Variants in MAP6 observed in about 807,000 individuals in gnomAD.
MAP6 encodes the protein microtubule associated protein 6.
Under a neutral mutation model 42.4 loss-of-function variants are expected in MAP6, and 26 were observed. That is an observed-to-expected ratio of 0.61 (90% CI 0.45 to 0.85). MAP6 has a LOEUF of 0.85. Ranked by LOEUF, MAP6 falls within the 40% of genes least tolerant of loss-of-function variation. The probability of loss-of-function intolerance (pLI) is 0.00; values close to 1 mark genes in which losing one functional copy is unlikely to be tolerated. For missense variants in MAP6, 966 were observed against 1,099.0 expected, an observed-to-expected ratio of 0.88 and a Z score of 1.71; for synonymous variants, 418 against 443.8, an observed-to-expected ratio of 0.94 and a Z score of 0.73.
chr11:75,612,412 C>T (rs1023828871), intron 1 of MAP6, among the ~76,000 whole-genome samples: 1 of 152,108 alleles, frequency 6.6e-6, no homozygotes, highest in Non-Finnish European at 1.5e-5. Flanking sequence ...TCAAATGGGA[C>T]AGGGATCAGA....
chr11:75,667,601 C>A lies in MAP6; in HGVS notation c.769G>T (p.Glu257Ter). The A allele has an allele frequency of 7.4e-7, 1 of 1,354,182 alleles. No individual in the cohort carries two copies. Among genetic ancestry groups the A allele is most frequent in the South Asian group, 1.8e-5 (1 of 54,788 alleles). The allele number at this position is 1,354,182 out of a possible 1,614,324, so 83.9% of individuals were successfully genotyped here. A position where few individuals can be genotyped will look rare whatever the true frequency, so the allele number is the denominator to read the frequency against. The change falls in exon 1 of 4, where the codon GAG (glutamate) becomes TAG (stop). Residue 257 changes from glutamate (E) to a stop codon, truncating the protein, a stop_gained. Coordinates refer to ENST00000304771, the MANE Select transcript of MAP6 (RefSeq NM_033063.2). LOFTEE classifies it high-confidence loss of function. This position sits in a 1 kb window ranked among gnomAD's most constrained non-coding sequence, Gnocchi z 5.6. ...TGGGCCGCGGGCAGCGGCGTCTGCT[C>A]GTGCCCCAGGCCCTCGGCGCGGCGC... ...IVRRAEGLGH[E>*]QTPLPAAQAQ...
intron 1 of MAP6, among the ~76,000 whole-genome samples, chr11:75,610,390 G>A (rs928557799): frequency 7.9e-5 from 12 of 152,072 alleles, no homozygotes; most frequent in South Asian, 2.1e-4. Context: ...ATTCATTCAC[G>A]AAATATGTAC....
intron 1 of MAP6, among the ~76,000 whole-genome samples, chr11:75,665,451 T>C (rs894786177): frequency 6.6e-6 from 1 of 152,222 alleles, no homozygotes; most frequent in African/African-American, 2.4e-5. Context: ...TCTCTCTTGA[T>C]TGGCATTGAC....
chr11:75,633,540 G>A (rs140842125), intron 1 of MAP6, among the ~76,000 whole-genome samples: 1 of 152,306 alleles, frequency 6.6e-6, no homozygotes, highest in Non-Finnish European at 1.5e-5. Flanking sequence ...TGAAGGGAGA[G>A]GGACCATAAG....
intron 1 of MAP6, among the ~76,000 whole-genome samples, chr11:75,655,076 A>T (rs1412600094): frequency 2.0e-5 from 3 of 152,128 alleles, no homozygotes; most frequent in South Asian, 4.1e-4. Flanking sequence ...TCTCCCTCAA[A>T]AGACAGCAAT....
intron 1 of MAP6, among the ~76,000 whole-genome samples, chr11:75,639,927 G>T (rs538762581): frequency 1.3e-5 from 2 of 152,240 alleles, no homozygotes; most frequent in South Asian, 4.2e-4. Flanking sequence ...CCCCACCATG[G>T]CTCTCACAGC....
Position 75,587,036 on chromosome 11 carries a change from A to G in MAP6, c.*23T>C, listed in dbSNP as rs1000399280. ...GAGCACTCTCACTGTCAGCTCCTTC[A>G]TTGGTGTGTCAAGGGGTGAGTGTCA... On this transcript the variant is annotated 3_prime_UTR_variant, in exon 4 of 4. Transcript: ENST00000304771. The G allele has an allele frequency of 1.3e-6, 2 of 1,537,224 alleles. No individual in the cohort carries two copies. The highest frequency in any genetic ancestry group is 2.3e-5 in the East Asian group (1 of 44,106).
intron 3 of MAP6, among the ~76,000 whole-genome samples, chr11:75,591,279 A>G (rs1311039115): frequency 2.0e-5 from 3 of 152,218 alleles, no homozygotes; most frequent in Admixed American, 6.5e-5. Flanking sequence ...AAGCTATAAC[A>G]TCCTCCTTAA....
At chr11:75,640,666 G>T (rs1020725925) in intron 1 of MAP6, among the ~76,000 whole-genome samples, 4 of 152,172 alleles carry the variant, frequency 2.6e-5, no homozygotes, top group African/African-American at 9.7e-5. Context: ...ATCAAAAAGT[G>T]GGCGAAGGAT....
chr11:75,592,887 C>T (rs1298737767), intron 3 of MAP6, among the ~76,000 whole-genome samples: 1 of 152,220 alleles, frequency 6.6e-6, no homozygotes, highest in Admixed American at 6.5e-5. Context: ...GCATTCTGTT[C>T]CTTCGGCACG....
rs772552809 is a variant in MAP6 at position 75,588,159 on chromosome 11, A to G, written c.1342T>C (p.Ser448Pro). 6 of 1,612,962 alleles carry G rather than the reference A, an allele frequency of 3.7e-6. No homozygotes were observed. The highest frequency in any genetic ancestry group is 2.7e-5 in the African/African-American group (2 of 74,906). ...GCTACAGGACCTTGAGTCTTACTTG[A>G]ATCACTGACGGGTTGAGCCAGGCTC... ...KESLAQPVSD[S>P]SKTQGPVATE... is the part of the protein sequence containing the mutation. Residue 448 changes from serine to proline, a missense_variant, in exon 4 of 4, where the codon TCA (serine) becomes CCA (proline). This residue lies in a region of MAP6 where 943 missense variants were observed against 1,049.9 expected (regional missense o/e 0.90). Transcript: ENST00000304771.
rs1267431342 is a variant in MAP6 at position 75,627,744 on chromosome 11, G to A, written c.906-19422C>T. ...TTATCATCCTCGTTTTACAGATGAG[G>A]AAACAGGAGCTCAGGGGGTTCCGTG... On this transcript the variant is annotated intron_variant, in intron 1 of 3. Coordinates refer to ENST00000304771, the MANE Select transcript of MAP6 (RefSeq NM_033063.2). Among the ~76,000 whole-genome samples, 3 of 152,164 alleles carry A rather than the reference G, an allele frequency of 2.0e-5. No homozygotes were observed. The East Asian group carries it at 5.8e-4, about 29-fold the overall frequency.
intron 1 of MAP6, chr11:75,642,953 AG>A (rs2135662284): frequency 2.3e-6 from 1 of 441,690 alleles, no homozygotes; most frequent in Admixed American, 2.0e-5. Flanking sequence ...AATTCATGTC[AG>A]AATACACTTG....
chr11:75,639,823 T>C (rs1943432650), intron 1 of MAP6, among the ~76,000 whole-genome samples: 1 of 152,024 alleles, frequency 6.6e-6, no homozygotes, highest in South Asian at 2.1e-4. Flanking sequence ...ACTGTTCAGA[T>C]TGTCTAAAGT....
At chr11:75,652,732 G>C (rs944377695) in intron 1 of MAP6, among the ~76,000 whole-genome samples, 1 of 151,864 alleles carries the variant, frequency 6.6e-6, no homozygotes, top group Non-Finnish European at 1.5e-5. Flanking sequence ...CCAGCTACTA[G>C]GGAGGGTGAG....
In MAP6 at chr11:75,659,461, G is replaced by A. The variant is rs562170728; in HGVS notation, c.905+8004C>T. 2.4e-4 allele frequency among the ~76,000 whole-genome samples: 36 copies of A among 152,324 alleles called. No individual in the cohort carries two copies. The South Asian group carries it at 3.5e-3, about 15-fold the overall frequency. On this transcript the variant is annotated intron_variant, in intron 1 of 3. Transcript: ENST00000304771. Reference sequence around the variant, plus strand: ...GGTGCCACTGTACTCCAGCCTGGGCGATAGAGGAAGGGGAATCATAAGCTC... The same window carrying A: ...GGTGCCACTGTACTCCAGCCTGGGCAATAGAGGAAGGGGAATCATAAGCTC...
intron 1 of MAP6, among the ~76,000 whole-genome samples, chr11:75,652,620 CT>C (rs908138750): frequency 2.0e-5 from 3 of 151,920 alleles, no homozygotes; most frequent in Non-Finnish European, 4.4e-5. Context: ...GGTGGATCAC[CT>C]GAGGTCAGGA....
intron 1 of MAP6, among the ~76,000 whole-genome samples, chr11:75,655,716 A>G (rs548071816): frequency 2.0e-5 from 3 of 152,224 alleles, no homozygotes; most frequent in Non-Finnish European, 4.4e-5. Flanking sequence ...AAGACAGCAT[A>G]AAGGTTGAAG....
intron 3 of MAP6, among the ~76,000 whole-genome samples, chr11:75,590,621 C>A (rs951923825): frequency 2.0e-5 from 3 of 152,166 alleles, no homozygotes; most frequent in African/African-American, 7.2e-5. Context: ...TATCTTTAAT[C>A]ATGGGAAGGT....
Sources: gnomAD v4.1 joint callset for allele counts (sites outside exome capture counted in the v4.1 genomes callset) on GRCh38, gnomAD v4.1.1 for gene constraint, gnomAD v4.1.1 regional missense constraint, Gnocchi (gnomAD v3.1) non-coding constraint, MANE v1.5 for transcripts, NCBI Gene and HGNC (gene_info 2026-07-23, HGNC 2026-07-21) for gene names.